Variants in STPG2 observed in about 807,000 individuals in gnomAD.
STPG2 encodes the protein sperm-tail PG-rich repeat-containing protein 2.
STPG2 carries 56 observed loss-of-function variants against 54.2 expected under a neutral mutation model. The observed-to-expected ratio is 1.03, with a 90% CI of 0.83 to 1.29. The LOEUF is 1.29. Ranked by LOEUF, STPG2 falls within the 50% of genes most tolerant of loss-of-function variation. STPG2 has a pLI of 0.00. For synonymous variants in STPG2, 200 were observed against 181.8 expected (o/e 1.10, Z -0.81); for missense variants, 596 against 544.9 (o/e 1.09, Z -0.93).
chr4:97,793,374 C>T (rs2865939), intron 9 of STPG2, among the ~76,000 whole-genome samples: 37,986 of 94,672 alleles, frequency 0.4, 4,992 homozygotes, highest in African/African-American at 0.5. Flanking sequence ...TATATATACA[C>T]ACACACACAC....
At chr4:98,131,642 C>T (rs1317186106) in intron 2 of STPG2, among the ~76,000 whole-genome samples, 1 of 152,012 alleles carries the variant, frequency 6.6e-6, no homozygotes, top group Non-Finnish European at 1.5e-5. Context: ...AAACAGTGAC[C>T]AAATCTGCTC....
At chr4:98,018,128 A>G (rs1204643330) in intron 5 of STPG2, among the ~76,000 whole-genome samples, 1 of 152,034 alleles carries the variant, frequency 6.6e-6, no homozygotes, top group Non-Finnish European at 1.5e-5. Flanking sequence ...ATAACTCATC[A>G]TTTAGCATTA....
chr4:98,049,788 A>G (rs1737256933), intron 5 of STPG2, among the ~76,000 whole-genome samples: 1 of 152,190 alleles, frequency 6.6e-6, no homozygotes, highest in Admixed American at 6.5e-5. Context: ...AATGGCCACC[A>G]ATATTACAAA....
chr4:97,534,258 G>C (rs939918073), intron 4 of STPG2, among the ~76,000 whole-genome samples: 1 of 151,982 alleles, frequency 6.6e-6, no homozygotes, highest in Non-Finnish European at 1.5e-5. Context: ...CAAATATTAT[G>C]TGTAATTTTT....
chr4:97,859,748 A>T (rs1332429340), intron 8 of STPG2, among the ~76,000 whole-genome samples: 1 of 152,072 alleles, frequency 6.6e-6, no homozygotes, highest in East Asian at 1.9e-4. Flanking sequence ...ATGTGTGATT[A>T]TATGCCTGGC....
intron 4 of STPG2, among the ~76,000 whole-genome samples, chr4:97,516,947 G>A (rs1488613567): frequency 6.6e-6 from 1 of 151,552 alleles, no homozygotes; most frequent in Non-Finnish European, 1.5e-5. Context: ...TTACTCTGTT[G>A]CCAAGGCTGG....
intron 10 of STPG2, among the ~76,000 whole-genome samples, chr4:97,612,583 T>A (rs1733758864): frequency 6.6e-6 from 1 of 152,016 alleles, no homozygotes. Flanking sequence ...AGTGTAAAAC[T>A]GGCATTTTAT....
intron 4 of STPG2, among the ~76,000 whole-genome samples, chr4:97,443,044 C>T (rs1455069567): frequency 4.6e-5 from 7 of 152,056 alleles, no homozygotes; most frequent in Non-Finnish European, 8.8e-5. Context: ...GCAGTCCATG[C>T]AACAAATAAA....
chr4:97,908,107 G>C (rs979247043), intron 8 of STPG2, among the ~76,000 whole-genome samples: 5 of 150,872 alleles, frequency 3.3e-5, no homozygotes, highest in African/African-American at 1.2e-4. Flanking sequence ...GAAAATTTTC[G>C]CAACCTACTC....
chr4:97,995,612 T>C (rs1735179464), intron 5 of STPG2, among the ~76,000 whole-genome samples: 1 of 151,844 alleles, frequency 6.6e-6, no homozygotes, highest in African/African-American at 2.4e-5. Context: ...TAGCACACCC[T>C]GAGTAGATGT....
chr4:98,029,035 G>A (rs1225240467), intron 5 of STPG2, among the ~76,000 whole-genome samples: 1 of 151,876 alleles, frequency 6.6e-6, no homozygotes, highest in African/African-American at 2.4e-5. Context: ...ACATTTTTGT[G>A]ATCAGAGAGC....
At chr4:97,592,386 A>G (rs1052942992) in intron 10 of STPG2, among the ~76,000 whole-genome samples, 3 of 152,220 alleles carry the variant, frequency 2.0e-5, no homozygotes, top group Admixed American at 6.5e-5. Flanking sequence ...GCCCATGCCA[A>G]TATGTTTTTT....
chr4:97,738,605 G>T (rs1725108277), intron 9 of STPG2, among the ~76,000 whole-genome samples: 1 of 152,148 alleles, frequency 6.6e-6, no homozygotes, highest in Non-Finnish European at 1.5e-5. Flanking sequence ...AAGATCAAAA[G>T]AGACAAACAA....
intron 9 of STPG2, among the ~76,000 whole-genome samples, chr4:97,731,535 C>G (rs1231685405): frequency 6.6e-6 from 1 of 152,134 alleles, no homozygotes; most frequent in Non-Finnish European, 1.5e-5. Context: ...TCATGCTTCC[C>G]CAACCAGGTC....
intron 10 of STPG2, among the ~76,000 whole-genome samples, chr4:97,614,656 T>G (rs571898914): frequency 4.7e-4 from 71 of 152,244 alleles, no homozygotes; most frequent in African/African-American, 1.7e-3. Context: ...TAGTCATCAC[T>G]TTGTGCTTTA....
At chr4:98,008,387 G>A (rs915500340) in intron 5 of STPG2, among the ~76,000 whole-genome samples, 11 of 152,036 alleles carry the variant, frequency 7.2e-5, no homozygotes, top group South Asian at 2.1e-4. Context: ...CCTTCCCAGA[G>A]AAGCAAATGT....
intron 3 of STPG2, among the ~76,000 whole-genome samples, chr4:98,117,649 C>T (rs1739560000): frequency 6.6e-6 from 1 of 152,046 alleles, no homozygotes; most frequent in Admixed American, 6.6e-5. Flanking sequence ...TGCATAATAT[C>T]AATTGACATG....
chr4:97,813,336 G>T (rs549794910), intron 9 of STPG2, among the ~76,000 whole-genome samples: 1 of 152,136 alleles, frequency 6.6e-6, no homozygotes, highest in South Asian at 2.1e-4. Flanking sequence ...TCAACAATAT[G>T]CAATTAACCT....
chr4:97,569,503 T>C (rs557895298), intron 10 of STPG2, among the ~76,000 whole-genome samples: 37 of 152,168 alleles, frequency 2.4e-4, no homozygotes, highest in Non-Finnish European at 4.6e-4. Flanking sequence ...ACCCAGCCCC[T>C]ATTCAAGATG....
Sources: allele counts gnomAD v4.1 joint callset (sites outside exome capture counted in the v4.1 genomes callset), GRCh38; gene constraint gnomAD v4.1.1; transcripts MANE v1.5; gene names NCBI Gene and HGNC (gene_info 2026-07-23, HGNC 2026-07-21).